Variants in CSMD1 observed in about 807,000 individuals in gnomAD.
The protein encoded by CSMD1 is CUB and sushi domain-containing protein 1.
Under a neutral mutation model 417.5 loss-of-function variants are expected in CSMD1, and 213 were observed. That is an observed-to-expected ratio of 0.51 (90% CI 0.46 to 0.57). CSMD1 has a LOEUF of 0.57. Among genes scored for constraint, CSMD1 ranks in the 20% least tolerant of loss-of-function variants. The pLI, the probability that CSMD1 is intolerant of heterozygous loss-of-function variation, is 0.00. For missense variants in CSMD1, 6,923 were observed against 4,529.7 expected (o/e 1.53, Z -15.17); for synonymous variants, 2,862 against 1,736.8 (o/e 1.65, Z -16.11).
chr8:3,631,376 G>C (rs946604368), intron 7 of CSMD1, among the ~76,000 whole-genome samples: 15 of 152,214 alleles, frequency 9.9e-5, no homozygotes, highest in African/African-American at 2.9e-4. Context: ...CAACACGTGA[G>C]GTAGTCAGTG....
At chr8:4,199,593 T>C (rs1436392897) in intron 3 of CSMD1, among the ~76,000 whole-genome samples, 7 of 152,214 alleles carry the variant, frequency 4.6e-5, no homozygotes, top group South Asian at 2.1e-4. Flanking sequence ...CCAATTTATC[T>C]TTGATTCCTC....
At chr8:4,149,917 T>C (rs1047587472) in intron 3 of CSMD1, among the ~76,000 whole-genome samples, 1 of 152,212 alleles carries the variant, frequency 6.6e-6, no homozygotes, top group Non-Finnish European at 1.5e-5. Context: ...TACCTCTTGG[T>C]GTTTTGTTAA....
At chr8:3,040,392 A>ATATT (rs1284769929) in intron 50 of CSMD1, among the ~76,000 whole-genome samples, 1 of 71,162 alleles carries the variant, frequency 1.4e-5, no homozygotes, top group Non-Finnish European at 2.8e-5. Context: ...ATTGAAATAT[A>ATATT]TATATATATA....
chr8:3,852,617 G>C (rs747438054), intron 5 of CSMD1, among the ~76,000 whole-genome samples: 1 of 152,092 alleles, frequency 6.6e-6, no homozygotes, highest in Non-Finnish European at 1.5e-5. Context: ...CACAAAAGCA[G>C]AATCCTGGCT....
At chr8:3,378,678 GC>G (rs1810460431) in intron 18 of CSMD1, among the ~76,000 whole-genome samples, 2 of 151,994 alleles carry the variant, frequency 1.3e-5, no homozygotes, top group South Asian at 4.1e-4. Context: ...TGAAGAAAAG[GC>G]CTTCAATAAA....
chr8:3,200,187 A>G lies in CSMD1; in HGVS notation c.5099-378T>C, dbSNP rs936247197. Reference sequence around the variant, plus strand: ...TTTACTTAAAAAATTTTTAAAAGTAACTGAATCCAAAGATGATTTTTTTTA... The same window carrying G: ...TTTACTTAAAAAATTTTTAAAAGTAGCTGAATCCAAAGATGATTTTTTTTA... On this transcript the variant is annotated intron_variant, in intron 32 of 69. Transcript: ENST00000635120. 2.0e-5 allele frequency among the ~76,000 whole-genome samples: 3 copies of G among 152,216 alleles called. No homozygotes were observed. In the East Asian group the frequency reaches 5.8e-4, roughly 30 times the overall value.
At chr8:3,493,125 C>G (rs1290844929) in intron 11 of CSMD1, among the ~76,000 whole-genome samples, 1 of 151,934 alleles carries the variant, frequency 6.6e-6, no homozygotes, top group Non-Finnish European at 1.5e-5. Context: ...AAACGCCTGT[C>G]TCTAATAATA....
At chr8:4,465,270 C>T (rs922315415) in intron 2 of CSMD1, among the ~76,000 whole-genome samples, 7 of 152,012 alleles carry the variant, frequency 4.6e-5, no homozygotes, top group African/African-American at 1.7e-4. Flanking sequence ...TTTTCCAGTG[C>T]CTGTGACCCA....
At chr8:3,549,525 T>A (rs557483413) in intron 10 of CSMD1, among the ~76,000 whole-genome samples, 8 of 152,196 alleles carry the variant, frequency 5.3e-5, no homozygotes, top group Non-Finnish European at 1.2e-4. Flanking sequence ...CTCTCCTTTC[T>A]TGGATGGATA....
intron 3 of CSMD1, among the ~76,000 whole-genome samples, chr8:4,135,611 T>TTGCAC (rs763009327): frequency 3.9e-5 from 6 of 152,114 alleles, no homozygotes; most frequent in Non-Finnish European, 7.4e-5. Context: ...AAAATTTAGT[T>TTGCAC]TGCACTGTTA....
intron 3 of CSMD1, among the ~76,000 whole-genome samples, chr8:4,328,865 A>G (rs962254800): frequency 2.0e-5 from 3 of 152,232 alleles, no homozygotes; most frequent in Non-Finnish European, 4.4e-5. Flanking sequence ...ATTATAACTG[A>G]AACTCATAAA....
chr8:3,037,042 G>A lies in CSMD1; in HGVS notation c.7661-7529C>T, dbSNP rs145116199. On this transcript the variant is annotated intron_variant, in intron 50 of 69. Transcript: ENST00000635120. ...CTTATGCATTTGCATCCCTATAGAT[G>A]GGCTCCCACTTAAAAGTGAGAACAT... Among the ~76,000 whole-genome samples the A allele has an allele frequency of 1.5e-3, 227 of 152,094 alleles. 1 individual carries two copies. Among genetic ancestry groups the A allele is most frequent in the African/African-American group, 5.1e-3 (213 of 41,486 alleles).
intron 3 of CSMD1, among the ~76,000 whole-genome samples, chr8:4,045,944 G>A (rs577395524): frequency 2.6e-4 from 39 of 151,924 alleles, no homozygotes; most frequent in Non-Finnish European, 5.6e-4. Context: ...ATACATCTAA[G>A]TCATTCAAAT....
intron 48 of CSMD1, among the ~76,000 whole-genome samples, chr8:3,090,568 C>G (rs2129007918): frequency 6.6e-6 from 1 of 152,240 alleles, no homozygotes; most frequent in East Asian, 1.9e-4. Flanking sequence ...CTTATTCTTA[C>G]AACTGCTGTT....
chr8:4,010,268 T>C (rs1816443261), intron 4 of CSMD1, among the ~76,000 whole-genome samples: 1 of 152,122 alleles, frequency 6.6e-6, no homozygotes, highest in African/African-American at 2.4e-5. Context: ...CTCCCTCATG[T>C]GCCCAGCTTT....
intron 51 of CSMD1, among the ~76,000 whole-genome samples, chr8:3,024,466 G>C (rs1157805818): frequency 1.3e-5 from 2 of 151,948 alleles, no homozygotes; most frequent in Middle Eastern, 3.4e-3. Context: ...CCACCACACG[G>C]GACTAATTTT....
rs868718210 is a variant in CSMD1 at position 3,284,328 on chromosome 8, G to C, written c.3969C>G (p.Phe1323Leu). 1.9e-6 allele frequency: 3 copies of C among 1,613,492 alleles called. No individual in the cohort carries two copies. Among genetic ancestry groups the C allele is most frequent in the East Asian group, 2.2e-5 (1 of 44,866 alleles). ...GGATGTCGTGAGCCATCTCCGTGTC[G>C]AAAACAATGAAATGGAGGCTGCAAG... is the stretch of plus-strand genomic sequence containing the variant. ...GKTISLHFIV[F>L]DTEMAHDILK... The change falls in exon 26 of 70, where the codon TTC becomes TTG. Residue 1323 changes from phenylalanine (F) to leucine (L), a missense_variant. By Grantham distance (22) the Phe-to-Leu change is conservative. Transcript: ENST00000635120.
In CSMD1 at chr8:4,637,590, T is replaced by C. The variant is rs755313789; in HGVS notation, c.86-32A>G. On this transcript the variant is annotated intron_variant, in intron 1 of 69. Transcript: ENST00000635120. ...GAGAAAACACACACAAAAAAGCATA[T>C]TATTCTGGCCATCTTTAATCTGTGA... The C allele has an allele frequency of 4.2e-6, 6 of 1,416,202 alleles. No individual in the cohort carries two copies. In the Admixed American group the frequency reaches 1.0e-4, roughly 25 times the overall value. The allele number at this position is 1,416,202 out of a possible 1,614,324, so 87.7% of individuals were successfully genotyped here.
intron 2 of CSMD1, among the ~76,000 whole-genome samples, chr8:4,595,111 G>A (rs958482307): frequency 2.0e-5 from 3 of 152,060 alleles, no homozygotes; most frequent in Non-Finnish European, 1.5e-5. Flanking sequence ...AATTTTAAAA[G>A]CTTGGGGAAT....
Sources: allele counts gnomAD v4.1 joint callset (sites outside exome capture counted in the v4.1 genomes callset), GRCh38; gene constraint gnomAD v4.1.1; transcripts MANE v1.5; gene names NCBI Gene and HGNC (gene_info 2026-07-23, HGNC 2026-07-21).